GRIN2B: variants seen among roughly 807,000 people sequenced by gnomAD.
GRIN2B encodes the protein glutamate ionotropic receptor NMDA type subunit 2B.
A neutral mutation model predicts 114.5 loss-of-function variants in GRIN2B; 5 were observed. The ratio of observed to expected loss-of-function variants is 0.04; its 90% CI spans 0.02 to 0.09. The LOEUF is 0.09. GRIN2B is among the 10% of genes least tolerant of loss of function. The probability of loss-of-function intolerance (pLI) is 1.00; values close to 1 mark genes in which losing one functional copy is unlikely to be tolerated. For missense variants in GRIN2B, 1,108 were observed against 1,943.5 expected, an observed-to-expected ratio of 0.57 and a Z score of 8.08; for synonymous variants, 787 against 745.1, an observed-to-expected ratio of 1.06 and a Z score of -0.92.
chr12:13,843,546 G>A (rs1865422706), intron 3 of GRIN2B, among the ~76,000 whole-genome samples: 1 of 152,208 alleles, frequency 6.6e-6, no homozygotes, highest in East Asian at 1.9e-4. Flanking sequence ...CAGTGTGACA[G>A]CACTTTTAGG....
At chr12:13,931,185 T>C (rs1429307277) in intron 2 of GRIN2B, among the ~76,000 whole-genome samples, 1 of 152,198 alleles carries the variant, frequency 6.6e-6, no homozygotes, top group Non-Finnish European at 1.5e-5. Context: ...TGGCATTTAT[T>C]TCCTAATACT....
intron 3 of GRIN2B, among the ~76,000 whole-genome samples, chr12:13,804,623 T>C (rs1864571109): frequency 6.6e-6 from 1 of 152,214 alleles, no homozygotes; most frequent in Admixed American, 6.5e-5. Flanking sequence ...CAGTGTGCTT[T>C]CTCTGGTCAC....
intron 2 of GRIN2B, among the ~76,000 whole-genome samples, chr12:13,926,361 T>C (rs1383244977): frequency 6.6e-6 from 1 of 152,198 alleles, no homozygotes; most frequent in Non-Finnish European, 1.5e-5. Context: ...GACCCTTGCC[T>C]GGTGTGTATC....
In GRIN2B at chr12:13,954,811, GAAA is replaced by G. The variant is rs61525874; in HGVS notation, c.-19+25114_-19+25116del. On this transcript the variant is annotated intron_variant, in intron 2 of 13. Transcript: ENST00000609686. ...GTGACAGAGTGAGACTCCGTCTCAG[GAAA>G]AAAAAAAAAAAAAAACTTTTTCTTC... is the stretch of plus-strand genomic sequence containing the variant. Among the ~76,000 whole-genome samples, 124 of 25,550 alleles carry G rather than the reference GAAA, an allele frequency of 4.9e-3. 9 individuals are homozygous for G. Among genetic ancestry groups the G allele is most frequent in the African/African-American group, 0.01 (92 of 9,074 alleles). The allele number at this position is 25,550 out of a possible 152,430, so 16.8% of individuals were successfully genotyped here.
chr12:13,846,579 A>C (rs1296007870), intron 3 of GRIN2B, among the ~76,000 whole-genome samples: 1 of 152,204 alleles, frequency 6.6e-6, no homozygotes, highest in Non-Finnish European at 1.5e-5. Context: ...CATTTAGCTC[A>C]GTCAGTGCTG....
intron 2 of GRIN2B, among the ~76,000 whole-genome samples, chr12:13,895,450 T>C (rs923054212): frequency 2.6e-5 from 4 of 152,202 alleles, no homozygotes; most frequent in African/African-American, 9.6e-5. Context: ...TAGATATGTA[T>C]GTGACTGTCC....
chr12:13,809,351 T>C (rs538570250), intron 3 of GRIN2B, among the ~76,000 whole-genome samples: 109 of 152,342 alleles, frequency 7.2e-4, no homozygotes, highest in African/African-American at 2.5e-3. Flanking sequence ...AGCCACTTTG[T>C]ACTAAGCATG....
intron 3 of GRIN2B, among the ~76,000 whole-genome samples, chr12:13,758,422 C>T (rs1863617446): frequency 6.6e-6 from 1 of 152,148 alleles, no homozygotes; most frequent in Admixed American, 6.5e-5. Flanking sequence ...ACTGAAATGA[C>T]TTATTTGGTA....
intron 5 of GRIN2B, among the ~76,000 whole-genome samples, chr12:13,643,046 C>T (rs1179677443): frequency 6.6e-5 from 10 of 152,158 alleles, no homozygotes; most frequent in Non-Finnish European, 8.8e-5. Context: ...GTCTCTTTTT[C>T]AATGATGAAT....
At position 13,544,750 on chromosome 12, in the gene GRIN2B, A is replaced by T. The variant is rs2136381733; in HGVS notation, c.*18033T>A. 1 of 152,270 alleles carries T rather than the reference A, an allele frequency of 6.6e-6. No individual in the cohort carries two copies. The highest frequency in any genetic ancestry group is 1.9e-4 in the East Asian group (1 of 5,162). The allele number at this position is 152,270 out of a possible 1,614,324, so 9.4% of individuals were successfully genotyped here. ...CTGTGTGATATCGATTCTTTAAAAC[A>T]TTTCTGGAATCCAACTGCTTCTTAT... On this transcript the variant is annotated 3_prime_UTR_variant, in exon 14 of 14. Transcript: ENST00000609686.
rs1458739514 is a variant in GRIN2B at position 13,561,838 on chromosome 12, AATCTTCTTT to A, written c.*936_*944del. 6.6e-6 allele frequency: 1 copy of A among 152,630 alleles called. No homozygotes were observed. Among genetic ancestry groups the A allele is most frequent in the Non-Finnish European group, 1.5e-5 (1 of 68,034 alleles). 9.5% of individuals were successfully genotyped at this position (152,630 alleles called of 1,614,324 possible). ...CCGCCTTTTTTTGTTTAGACCACAGAATCTTCTTTATCAAGAATTTTCATTCTCCTTATT... is the reference window on the plus strand; with the variant it reads ...CCGCCTTTTTTTGTTTAGACCACAGAATCAAGAATTTTCATTCTCCTTATT... On this transcript the variant is annotated 3_prime_UTR_variant, in exon 14 of 14. Transcript: ENST00000609686.
At chr12:13,627,198 T>C (rs1949576939) in intron 5 of GRIN2B, among the ~76,000 whole-genome samples, 2 of 152,102 alleles carry the variant, frequency 1.3e-5, no homozygotes. Context: ...GCAAGATATA[T>C]GACAGCATCA....
intron 3 of GRIN2B, among the ~76,000 whole-genome samples, chr12:13,836,974 A>G (rs995668081): frequency 1.3e-5 from 2 of 152,246 alleles, no homozygotes; most frequent in East Asian, 3.9e-4. Flanking sequence ...AGATGGGTGC[A>G]CTGCTATCCC....
At chr12:13,954,940 A>G (rs2136853753) in intron 2 of GRIN2B, among the ~76,000 whole-genome samples, 1 of 152,146 alleles carries the variant, frequency 6.6e-6, no homozygotes, top group Admixed American at 6.5e-5. Flanking sequence ...TACCATCACA[A>G]GGAATAGCTT....
In GRIN2B at chr12:13,547,447, A is replaced by C. The variant is rs1472903473; in HGVS notation, c.*15336T>G. The C allele has an allele frequency of 6.6e-6, 1 of 152,164 alleles. No individual in the cohort carries two copies. The highest frequency in any genetic ancestry group is 2.4e-5 in the African/African-American group (1 of 41,448). The allele number at this position is 152,164 out of a possible 1,614,324, so 9.4% of individuals were successfully genotyped here. A position where few individuals can be genotyped will look rare whatever the true frequency, so the allele number is the denominator to read the frequency against. On this transcript the variant is annotated 3_prime_UTR_variant, in exon 14 of 14. Transcript: ENST00000609686. The stretch of plus-strand genomic sequence containing the variant: ...TTTGAGGGAGAGGATGAAAACTGCA[A>C]AGACCCTTGGGATTAAATGAAATCT...
chr12:13,819,327 C>T (rs567208948), intron 3 of GRIN2B, among the ~76,000 whole-genome samples: 3 of 152,288 alleles, frequency 2.0e-5, no homozygotes, highest in East Asian at 3.9e-4. Flanking sequence ...ACCACCACAT[C>T]TGTGGTATTT....
Position 13,538,045 on chromosome 12 carries a change from G to A in GRIN2B, c.*24738C>T, listed in dbSNP as rs959086632. On this transcript the variant is annotated 3_prime_UTR_variant, in exon 14 of 14. Transcript: ENST00000609686. Reference sequence around the variant, plus strand: ...CTTTCAGAGGATCATTTATATTTTTGAAAGAATTAGTTTGCATTTGTAAAA... The same window carrying A: ...CTTTCAGAGGATCATTTATATTTTTAAAAGAATTAGTTTGCATTTGTAAAA... The A allele has an allele frequency of 1.3e-5, 2 of 152,082 alleles. No individual in the cohort carries two copies. Among genetic ancestry groups the A allele is most frequent in the African/African-American group, 4.8e-5 (2 of 41,408 alleles). The allele number at this position is 152,082 out of a possible 1,614,324, so 9.4% of individuals were successfully genotyped here.
intron 11 of GRIN2B, among the ~76,000 whole-genome samples, chr12:13,571,097 T>A (rs1442535708): frequency 1.3e-5 from 2 of 152,216 alleles, no homozygotes; most frequent in African/African-American, 4.8e-5. Context: ...GACCTGGAGC[T>A]ACAAGGGTAT....
At chr12:13,620,953 G>GAA (rs35688960) in intron 5 of GRIN2B, among the ~76,000 whole-genome samples, 65 of 148,938 alleles carry the variant, frequency 4.4e-4, no homozygotes, top group African/African-American at 7.4e-4. Context: ...AAACTTTTTT[G>GAA]AAAAAAAAAA....
Sources: allele counts gnomAD v4.1 joint callset (sites outside exome capture counted in the v4.1 genomes callset), GRCh38; gene constraint gnomAD v4.1.1; transcripts MANE v1.5; gene names NCBI Gene and HGNC (gene_info 2026-07-23, HGNC 2026-07-21).